THRB: variants seen among roughly 807,000 people sequenced by gnomAD.
THRB encodes thyroid hormone receptor beta, also known as nuclear receptor subfamily 1 group A member 2.
THRB carries 12 observed loss-of-function variants against 47.8 expected under a neutral mutation model. The ratio of observed to expected loss-of-function variants is 0.25; its 90% CI spans 0.16 to 0.41. The LOEUF (loss-of-function observed/expected upper bound fraction) is 0.41. THRB is among the 10% of genes least tolerant of loss of function. The pLI is 1.00. For missense variants in THRB, 348 were observed against 589.2 expected, an observed-to-expected ratio of 0.59 and a Z score of 4.24; for synonymous variants, 218 against 212.2, an observed-to-expected ratio of 1.03 and a Z score of -0.24.
chr3:24,439,084 C>A (rs542483271), intron 1 of THRB, among the ~76,000 whole-genome samples: 1 of 152,224 alleles, frequency 6.6e-6, no homozygotes, highest in South Asian at 2.1e-4. Flanking sequence ...AGGCAAGGGG[C>A]CTGAGCTGTT....
intron 5 of THRB, among the ~76,000 whole-genome samples, chr3:24,170,334 C>A (rs2040265163): frequency 6.6e-6 from 1 of 152,172 alleles, no homozygotes; most frequent in African/African-American, 2.4e-5. Flanking sequence ...GCAGTCCAAT[C>A]CATCATCATC....
In THRB at chr3:24,146,811, T is replaced by C. The variant is rs767165069; in HGVS notation, c.396A>G (p.Arg132=). Residue 132 remains arginine (R), a synonymous_variant, in exon 7 of 11, where the codon AGA becomes AGG. Coordinates refer to ENST00000646209, the MANE Select transcript of THRB (RefSeq NM_001354712.2). The stretch of plus-strand genomic sequence containing the variant: ...GATGGAGATTTTTCTGAATGGTTCT[T>C]CTAAAGAAACCCTATATGAAAAACA... ...ITCEGCKGFF[R]RTIQKNLHPS... 24 of 1,613,856 alleles carry C rather than the reference T, an allele frequency of 1.5e-5. No individual in the cohort carries two copies. The highest frequency in any genetic ancestry group is 1.9e-5 in the Non-Finnish European group (23 of 1,179,840).
intron 5 of THRB, among the ~76,000 whole-genome samples, chr3:24,174,091 T>TA (rs2040816486): frequency 6.6e-6 from 1 of 152,220 alleles, no homozygotes; most frequent in Non-Finnish European, 1.5e-5. Flanking sequence ...TACATAGGTA[T>TA]ACGTGTGCCA....
chr3:24,132,766 G>A (rs1028888096), intron 9 of THRB, among the ~76,000 whole-genome samples: 1 of 152,226 alleles, frequency 6.6e-6, no homozygotes, highest in Non-Finnish European at 1.5e-5. Flanking sequence ...GGGATATTAA[G>A]AGCCTGGTTC....
At chr3:24,193,237 G>C (rs1409363118) in intron 4 of THRB, among the ~76,000 whole-genome samples, 1 of 152,160 alleles carries the variant, frequency 6.6e-6, no homozygotes, top group African/African-American at 2.4e-5. Context: ...TTTTTAGGGA[G>C]ATTAACATCC....
chr3:24,430,848 GAGT>G (rs1233386359), intron 1 of THRB: 19 of 152,258 alleles, frequency 1.2e-4, no homozygotes, highest in African/African-American at 4.3e-4. Context: ...GGCATCCAGG[GAGT>G]GGGCTTTAAG....
At chr3:24,211,110 G>A (rs940617494) in intron 4 of THRB, among the ~76,000 whole-genome samples, 3 of 149,470 alleles carry the variant, frequency 2.0e-5, no homozygotes, top group African/African-American at 7.5e-5. Flanking sequence ...TGAGGCCGGA[G>A]AATCACTTGA....
At chr3:24,395,922 T>A (rs2066925659) in intron 1 of THRB, among the ~76,000 whole-genome samples, 1 of 152,110 alleles carries the variant, frequency 6.6e-6, no homozygotes, top group South Asian at 2.1e-4. Flanking sequence ...TCCGTTTATA[T>A]GGAATATCCA....
At chr3:24,284,620 A>G (rs1317978655) in intron 3 of THRB, among the ~76,000 whole-genome samples, 9 of 150,402 alleles carry the variant, frequency 6.0e-5, no homozygotes, top group Non-Finnish European at 1.5e-5. Context: ...ACAGCAAAAG[A>G]AACTACCATC....
chr3:24,205,862 T>C (rs1036168694), intron 4 of THRB, among the ~76,000 whole-genome samples: 2 of 152,062 alleles, frequency 1.3e-5, no homozygotes, highest in Non-Finnish European at 2.9e-5. Flanking sequence ...TAGTCTCCAA[T>C]AAAACAGACT....
At chr3:24,485,356 T>C (rs1295589708) in intron 1 of THRB, among the ~76,000 whole-genome samples, 1 of 152,230 alleles carries the variant, frequency 6.6e-6, no homozygotes, top group African/African-American at 2.4e-5. Context: ...TTATTGGAAT[T>C]AAATTAGAAA....
chr3:24,359,890 A>T (rs534728946), intron 1 of THRB, among the ~76,000 whole-genome samples: 19 of 152,090 alleles, frequency 1.2e-4, no homozygotes, highest in African/African-American at 4.6e-4. Context: ...AGTGAACTCA[A>T]ATTTGTCCGT....
intron 2 of THRB, among the ~76,000 whole-genome samples, chr3:24,312,189 G>T (rs1288656314): frequency 6.6e-6 from 1 of 152,230 alleles, no homozygotes; most frequent in Non-Finnish European, 1.5e-5. Context: ...TCTCAAGTCA[G>T]AGTTAGGTGC....
intron 2 of THRB, among the ~76,000 whole-genome samples, chr3:24,306,580 G>A (rs1352985517): frequency 6.6e-6 from 1 of 152,006 alleles, no homozygotes; most frequent in East Asian, 1.9e-4. Context: ...AGGAATGGTG[G>A]TGGCTGCATC....
At chr3:24,165,071 G>C (rs759774491) in intron 5 of THRB, 1 of 763,372 alleles carries the variant, frequency 1.3e-6, no homozygotes, top group African/African-American at 1.7e-5. Flanking sequence ...AGAAAAAGTA[G>C]GCTTTTCTTC....
intron 1 of THRB, among the ~76,000 whole-genome samples, chr3:24,445,458 C>T (rs1362879653): frequency 6.6e-6 from 1 of 152,058 alleles, no homozygotes; most frequent in Admixed American, 6.5e-5. Flanking sequence ...AAACACCAAA[C>T]TGGAAAAATA....
chr3:24,203,139 G>A lies in THRB; in HGVS notation c.23-12805C>T, dbSNP rs182653208. 1.9e-4 allele frequency among the ~76,000 whole-genome samples: 29 copies of A among 152,320 alleles called. No homozygotes were observed. The Middle Eastern group carries it at 0.01, about 54-fold the overall frequency. On this transcript the variant is annotated intron_variant, in intron 4 of 10. Transcript: ENST00000646209. ...TTTTTCTTTAGAAGCCCAGCCGGGC[G>A]CAGTGGCTCATGCCTGGAATCCCAG...
chr3:24,206,352 C>T (rs1241865794), intron 4 of THRB, among the ~76,000 whole-genome samples: 1 of 152,202 alleles, frequency 6.6e-6, no homozygotes, highest in Non-Finnish European at 1.5e-5. Flanking sequence ...GAAACTCACT[C>T]AAAACCGCTC....
At chr3:24,319,423 T>G (rs1233554047) in intron 2 of THRB, among the ~76,000 whole-genome samples, 1 of 152,212 alleles carries the variant, frequency 6.6e-6, no homozygotes, top group Non-Finnish European at 1.5e-5. Context: ...TAACAACAGG[T>G]ATGAATCTTA....
Sources: gnomAD v4.1 joint callset for allele counts (sites outside exome capture counted in the v4.1 genomes callset) on GRCh38, gnomAD v4.1.1 for gene constraint, MANE v1.5 for transcripts, NCBI Gene and HGNC (gene_info 2026-07-23, HGNC 2026-07-21) for gene names.